The following NRG1 variants were observed in gnomAD, a reference collection of about 807,000 sequenced individuals.
The protein encoded by NRG1 is neuregulin 1.
Under a neutral mutation model 63.8 loss-of-function variants are expected in NRG1, and 18 were observed. That is an observed-to-expected ratio of 0.28 (90% CI 0.19 to 0.42). The LOEUF (loss-of-function observed/expected upper bound fraction) is 0.42. NRG1 is among the 10% of genes least tolerant of loss of function. The pLI is 1.00. For synonymous variants in NRG1, 302 were observed against 301.3 expected (o/e 1.00, Z -0.02); for missense variants, 762 against 814.7 (o/e 0.94, Z 0.79).
chr8:32,323,172 T>C (rs1032978176), intron 1 of NRG1, among the ~76,000 whole-genome samples: 29 of 152,046 alleles, frequency 1.9e-4, no homozygotes, highest in Non-Finnish European at 1.5e-4. Context: ...CCTCCTCCCT[T>C]CCCTCATTCA....
intron 1 of NRG1, among the ~76,000 whole-genome samples, chr8:32,327,721 C>G (rs1438385371): frequency 6.6e-6 from 1 of 152,190 alleles, no homozygotes; most frequent in African/African-American, 2.4e-5. Context: ...GAAAGACAGA[C>G]TTTAGATCAC....
At chr8:32,315,882 T>C (rs2129476265) in intron 1 of NRG1, among the ~76,000 whole-genome samples, 1 of 152,348 alleles carries the variant, frequency 6.6e-6, no homozygotes, top group Non-Finnish European at 1.5e-5. Flanking sequence ...GCTTTGTATG[T>C]GTTATTTCAT....
chr8:31,831,843 G>A (rs960346412), intron 1 of NRG1, among the ~76,000 whole-genome samples: 1 of 152,120 alleles, frequency 6.6e-6, no homozygotes, highest in Non-Finnish European at 1.5e-5. Context: ...GACTCACTCA[G>A]AGACCACCTA....
Position 32,173,198 on chromosome 8 carries a change from A to G in NRG1, c.38-422630A>G, listed in dbSNP as rs1359135874. ...GGGGGCCAATATTCAACATTCTTAA[A>G]GAAAAGAATTTTCAACCCAGAATTT... On this transcript the variant is annotated intron_variant, in intron 1 of 10. Coordinates refer to the NRG1 transcript ENST00000519301. Among the ~76,000 whole-genome samples the G allele has an allele frequency of 7.9e-5, 12 of 152,314 alleles. No individual in the cohort carries two copies. The East Asian group carries it at 2.1e-3, about 27-fold the overall frequency.
chr8:31,782,945 G>A (rs1412649096), intron 1 of NRG1, among the ~76,000 whole-genome samples: 1 of 152,132 alleles, frequency 6.6e-6, no homozygotes, highest in African/African-American at 2.4e-5. Context: ...TGAATGTCCA[G>A]TATCATTGTT....
chr8:32,059,152 C>G (rs1440171118), intron 1 of NRG1, among the ~76,000 whole-genome samples: 1 of 151,752 alleles, frequency 6.6e-6, no homozygotes, highest in East Asian at 1.9e-4. Context: ...TGTTTTTTTC[C>G]TTATATTTAG....
chr8:32,357,486 T>C (rs1459027194), intron 1 of NRG1, among the ~76,000 whole-genome samples: 1 of 152,172 alleles, frequency 6.6e-6, no homozygotes, highest in Non-Finnish European at 1.5e-5. Flanking sequence ...TGAGTTAACG[T>C]ATGTTTAAAG....
intron 1 of NRG1, among the ~76,000 whole-genome samples, chr8:31,971,132 C>T (rs796304506): frequency 1.3e-4 from 19 of 151,482 alleles, no homozygotes; most frequent in African/African-American, 4.3e-4. Flanking sequence ...CTTAATTGAA[C>T]TGTAGTGTCC....
chr8:32,528,600 C>T (rs1831126761), intron 1 of NRG1, among the ~76,000 whole-genome samples: 1 of 152,082 alleles, frequency 6.6e-6, no homozygotes, highest in African/African-American at 2.4e-5. Context: ...CAGAGAAATT[C>T]TTCTCTTCTT....
chr8:32,023,977 C>A (rs1816849196), intron 1 of NRG1, among the ~76,000 whole-genome samples: 1 of 152,146 alleles, frequency 6.6e-6, no homozygotes, highest in Non-Finnish European at 1.5e-5. Context: ...TAACTCCTAG[C>A]AGGAGGCAGA....
chr8:32,049,910 G>C (rs1489670633), intron 1 of NRG1, among the ~76,000 whole-genome samples: 1 of 152,086 alleles, frequency 6.6e-6, no homozygotes, highest in Non-Finnish European at 1.5e-5. Context: ...ATCAGGCAGA[G>C]GTGGGTTGGG....
chr8:32,742,738 G>A lies in NRG1; in HGVS notation c.691+5G>A, dbSNP rs767932599. The A allele has an allele frequency of 1.9e-6, 3 of 1,613,584 alleles. No homozygotes were observed. The highest frequency in any genetic ancestry group is 2.5e-6 in the Non-Finnish European group (3 of 1,179,674). On this transcript the variant is annotated splice_donor_5th_base_variant and intron_variant, in intron 7 of 11. Transcript: ENST00000356819. This position sits in a 1 kb window ranked among gnomAD's most constrained non-coding sequence, Gnocchi z 4.2. ...ACGTAATGGCCAGCTTCTACAGTAC[G>A]TCCACTCCCTTTCTGTCTCTGCCTG...
chr8:31,878,209 T>G lies in NRG1; in HGVS notation c.37+238778T>G, dbSNP rs181090839. Among the ~76,000 whole-genome samples the G allele has an allele frequency of 3.1e-3, 469 of 152,312 alleles. 1 individual carries two copies. The highest frequency in any genetic ancestry group is 6.8e-3 in the Middle Eastern group (2 of 294). ...GACTTTGCTATGTTTTCAAATATAGTTTTTTTCTATTGCTATATATGGAAA... is the reference window on the plus strand; with the variant it reads ...GACTTTGCTATGTTTTCAAATATAGGTTTTTTCTATTGCTATATATGGAAA... On this transcript the variant is annotated intron_variant, in intron 1 of 10. Transcript: ENST00000519301.
chr8:31,763,767 G>T (rs529557114), intron 1 of NRG1, among the ~76,000 whole-genome samples: 2 of 152,098 alleles, frequency 1.3e-5, no homozygotes, highest in East Asian at 1.9e-4. Context: ...TGGCTAACAC[G>T]GTGAAACCCC....
chr8:32,102,795 G>A (rs1395364183), intron 1 of NRG1, among the ~76,000 whole-genome samples: 2 of 152,006 alleles, frequency 1.3e-5, no homozygotes, highest in Non-Finnish European at 2.9e-5. Flanking sequence ...TAATAGTATC[G>A]AATATTAGTG....
At chr8:32,249,902 G>A (rs1004670227) in intron 1 of NRG1, among the ~76,000 whole-genome samples, 2 of 152,048 alleles carry the variant, frequency 1.3e-5, no homozygotes, top group African/African-American at 2.4e-5. Context: ...AGAAAAGGAA[G>A]GGGGTCTGGG....
At chr8:31,839,333 A>G (rs1207005821) in intron 1 of NRG1, among the ~76,000 whole-genome samples, 1 of 152,198 alleles carries the variant, frequency 6.6e-6, no homozygotes, top group Admixed American at 6.5e-5. Context: ...TCAGAAGAGC[A>G]AAGTGTCAAG....
At chr8:32,240,744 A>C (rs964778251) in intron 1 of NRG1, among the ~76,000 whole-genome samples, 2 of 152,064 alleles carry the variant, frequency 1.3e-5, no homozygotes, top group African/African-American at 2.4e-5. Flanking sequence ...TGTCCTATAC[A>C]TTTTTTTAGA....
intron 1 of NRG1, among the ~76,000 whole-genome samples, chr8:32,411,532 A>C (rs188357027): frequency 6.6e-6 from 1 of 152,320 alleles, no homozygotes; most frequent in South Asian, 2.1e-4. Flanking sequence ...AAAGGAAAGG[A>C]ATATTCTTTA....
Sources: gnomAD v4.1 joint callset for allele counts (sites outside exome capture counted in the v4.1 genomes callset) on GRCh38, gnomAD v4.1.1 for gene constraint, Gnocchi (gnomAD v3.1) non-coding constraint, MANE v1.5 for transcripts, NCBI Gene and HGNC (gene_info 2026-07-23, HGNC 2026-07-21) for gene names.